The following CD200R1L variants were observed in gnomAD, a reference collection of about 807,000 sequenced individuals.
CD200R1L encodes cell surface glycoprotein CD200 receptor 2.
Under a neutral mutation model 24.8 loss-of-function variants are expected in CD200R1L, and 14 were observed. That is an observed-to-expected ratio of 0.56 (90% CI 0.37 to 0.88). CD200R1L has a LOEUF of 0.88. Among genes scored for constraint, CD200R1L ranks in the 40% least tolerant of loss-of-function variants. CD200R1L has a pLI of 0.00. For synonymous variants in CD200R1L, 111 were observed against 109.2 expected, an observed-to-expected ratio of 1.02 and a Z score of -0.11; for missense variants, 299 against 297.8, an observed-to-expected ratio of 1.00 and a Z score of -0.03.
intron 2 of CD200R1L, among the ~76,000 whole-genome samples, chr3:112,843,188 G>A (rs1939121122): frequency 6.6e-6 from 1 of 152,152 alleles, no homozygotes; most frequent in Non-Finnish European, 1.5e-5. Context: ...CACTAAAGAG[G>A]TCAACGTGCA....
intron 7 of CD200R1L, among the ~76,000 whole-genome samples, chr3:112,816,645 A>C (rs535082854): frequency 2.0e-5 from 3 of 152,290 alleles, no homozygotes; most frequent in African/African-American, 7.2e-5. Context: ...CTGTGTCCTC[A>C]CCCAAATTTC....
chr3:112,845,258 C>T (rs952721437), intron 2 of CD200R1L, among the ~76,000 whole-genome samples: 1 of 152,180 alleles, frequency 6.6e-6, no homozygotes, highest in South Asian at 2.1e-4. Flanking sequence ...ATTATAAACA[C>T]CTCTATGCAC....
intron 2 of CD200R1L, among the ~76,000 whole-genome samples, chr3:112,841,769 G>GC (rs1201616990): frequency 6.6e-6 from 1 of 151,966 alleles, no homozygotes; most frequent in Non-Finnish European, 1.5e-5. Context: ...GAGCAGTTTG[G>GC]CCCCCCCGGA....
rs1939208499 is a variant in CD200R1L at position 112,846,794 on chromosome 3, GA to G, written c.-529del. On this transcript the variant is annotated 5_prime_UTR_variant, in exon 1 of 8. The change abolishes the stop of an existing upstream ORF in the 5' untranslated region. Transcript: ENST00000488794. ...TTTTATGGTGTCCTTATAAAAAGAGGAAAACTGGGCGCATACACAGGAACAC... is the reference window on the plus strand; with the variant it reads ...TTTTATGGTGTCCTTATAAAAAGAGGAAACTGGGCGCATACACAGGAACAC... 1 of 152,134 alleles carries G rather than the reference GA, an allele frequency of 6.6e-6. No individual in the cohort carries two copies. 9.4% of individuals were successfully genotyped at this position (152,134 alleles called of 1,614,324 possible). A position where few individuals can be genotyped will look rare whatever the true frequency, so the allele number is the denominator to read the frequency against.
At chr3:112,845,532 A>T in intron 2 of CD200R1L, 147 bp downstream of exon 2, 1 of 623,258 alleles carries the variant, frequency 1.6e-6, no homozygotes, top group Non-Finnish European at 2.8e-6. Context: ...GCAACTCAGA[A>T]GGAGTTTTGC....
At chr3:112,834,263 A>G (rs1938879451) in intron 3 of CD200R1L, among the ~76,000 whole-genome samples, 1 of 128,022 alleles carries the variant, frequency 7.8e-6, no homozygotes, top group Non-Finnish European at 1.6e-5. Context: ...TTTGAGACCG[A>G]GTCTCACTCT....
At chr3:112,828,216 TA>T (rs1938713409) in intron 4 of CD200R1L, among the ~76,000 whole-genome samples, 1 of 152,218 alleles carries the variant, frequency 6.6e-6, no homozygotes, top group East Asian at 1.9e-4. Context: ...CAGACAACCA[TA>T]AATGTGGAAA....
intron 2 of CD200R1L, among the ~76,000 whole-genome samples, chr3:112,840,707 G>A (rs533734060): frequency 6.6e-6 from 1 of 152,150 alleles, no homozygotes; most frequent in Non-Finnish European, 1.5e-5. Context: ...ATGGAAAAAT[G>A]AGAGTGCCAG....
chr3:112,838,061 A>T, intron 2 of CD200R1L, 51 bp from the exon 3 acceptor site: 1 of 683,362 alleles, frequency 1.5e-6, no homozygotes. Flanking sequence ...ACTTTTCTTT[A>T]CTGAAATGGA....
At chr3:112,835,035 C>T (rs989826056) in intron 3 of CD200R1L, among the ~76,000 whole-genome samples, 1 of 152,234 alleles carries the variant, frequency 6.6e-6, no homozygotes, top group African/African-American at 2.4e-5. Context: ...TCTCTTCTCT[C>T]CTTGTCATCC....
chr3:112,828,671 G>A (rs551475580), intron 4 of CD200R1L, among the ~76,000 whole-genome samples: 3 of 151,922 alleles, frequency 2.0e-5, no homozygotes, highest in Non-Finnish European at 2.9e-5. Flanking sequence ...TGTAGAAGTC[G>A]ACTCCTTTCT....
intron 2 of CD200R1L, among the ~76,000 whole-genome samples, chr3:112,844,037 C>T (rs1939140148): frequency 6.6e-6 from 1 of 152,138 alleles, no homozygotes; most frequent in South Asian, 2.1e-4. Context: ...GACATTGGAG[C>T]ACTCAGAATA....
At chr3:112,819,962 A>C (rs1938494585) in intron 6 of CD200R1L, 67 bp from the exon 7 acceptor site, 12 of 1,400,546 alleles carry the variant, frequency 8.6e-6, no homozygotes, top group Non-Finnish European at 1.9e-6. Flanking sequence ...AGAGTCAATC[A>C]TTTTAAAGAA....
chr3:112,823,543 TA>T (rs1007508417), intron 6 of CD200R1L, among the ~76,000 whole-genome samples: 59 of 152,196 alleles, frequency 3.9e-4, no homozygotes, highest in South Asian at 1.0e-3. Context: ...TTAGTTGGTG[TA>T]GGGAAAAAAA....
chr3:112,844,095 A>T (rs1939141449), intron 2 of CD200R1L, among the ~76,000 whole-genome samples: 1 of 152,258 alleles, frequency 6.6e-6, no homozygotes, highest in Admixed American at 6.5e-5. Flanking sequence ...GCCACTTAAT[A>T]ATAGTTGGAG....
At chr3:112,823,612 TAC>T in intron 6 of CD200R1L, among the ~76,000 whole-genome samples, 1 of 152,328 alleles carries the variant, frequency 6.6e-6, no homozygotes, top group African/African-American at 2.4e-5. Flanking sequence ...AGCACTCAAT[TAC>T]AGGGCTGTGG....
intron 2 of CD200R1L, among the ~76,000 whole-genome samples, chr3:112,842,619 G>A (rs545190673): frequency 6.6e-6 from 1 of 152,126 alleles, no homozygotes; most frequent in African/African-American, 2.4e-5. Flanking sequence ...CCTATAAATG[G>A]GTGTGAAAGT....
chr3:112,820,864 C>G (rs1938519560), intron 6 of CD200R1L, among the ~76,000 whole-genome samples: 2 of 151,374 alleles, frequency 1.3e-5, no homozygotes. Context: ...TCGAGACCAG[C>G]CTGACCAACA....
chr3:112,823,485 C>T (rs1476956637), intron 6 of CD200R1L, among the ~76,000 whole-genome samples: 1 of 152,150 alleles, frequency 6.6e-6, no homozygotes. Context: ...TAGTTAGTGT[C>T]TGAATTGAAT....
Sources: allele counts gnomAD v4.1 joint callset (sites outside exome capture counted in the v4.1 genomes callset), GRCh38; gene constraint gnomAD v4.1.1; transcripts MANE v1.5; gene names NCBI Gene and HGNC (gene_info 2026-07-23, HGNC 2026-07-21).